FER: variants seen among roughly 807,000 people sequenced by gnomAD.
FER encodes FER tyrosine kinase, also known as tyrosine-protein kinase Fer.
FER carries 63 observed loss-of-function variants against 111.0 expected under a neutral mutation model. The observed-to-expected ratio is 0.57, with a 90% CI of 0.46 to 0.70. FER has a LOEUF of 0.70. Among genes scored for constraint, FER ranks in the 30% least tolerant of loss-of-function variants. The pLI, the probability that FER is intolerant of heterozygous loss-of-function variation, is 0.00. For synonymous variants in FER, 327 were observed against 313.9 expected (o/e 1.04, Z -0.44); for missense variants, 914 against 954.0 (o/e 0.96, Z 0.55).
intron 5 of FER, among the ~76,000 whole-genome samples, chr5:108,839,843 C>G (rs6890309): frequency 0.23 from 34,563 of 151,928 alleles, 4,106 homozygotes; most frequent in African/African-American, 0.28. Flanking sequence ...TCCCAAACTG[C>G]TGGGATTACA....
intron 5 of FER, among the ~76,000 whole-genome samples, chr5:108,853,061 C>T (rs373248507): frequency 4.6e-4 from 70 of 152,092 alleles, no homozygotes; most frequent in African/African-American, 1.5e-3. Flanking sequence ...TATATTTTAT[C>T]GGTAAGCTTC....
At chr5:108,752,117 A>G (rs868107784) in intron 1 of FER, among the ~76,000 whole-genome samples, 3 of 152,092 alleles carry the variant, frequency 2.0e-5, no homozygotes, top group Admixed American at 6.5e-5. Flanking sequence ...AGACTGAAGG[A>G]AACAATTAGG....
At chr5:108,975,771 C>T (rs958353246) in intron 13 of FER, among the ~76,000 whole-genome samples, 15 of 152,132 alleles carry the variant, frequency 9.9e-5, no homozygotes, top group East Asian at 1.9e-4. Flanking sequence ...GATAAAATTA[C>T]GAATCATTAG....
chr5:109,088,379 AT>A (rs748062956), intron 16 of FER, among the ~76,000 whole-genome samples: 2 of 152,036 alleles, frequency 1.3e-5, no homozygotes, highest in African/African-American at 2.4e-5. Flanking sequence ...TTATTTAATC[AT>A]TTTTTAAAAA....
chr5:108,950,967 TAA>T (rs35248332), intron 11 of FER, among the ~76,000 whole-genome samples: 3 of 149,804 alleles, frequency 2.0e-5, no homozygotes, highest in Non-Finnish European at 4.5e-5. Flanking sequence ...CCTATGGAAT[TAA>T]AAAAAAAATA....
chr5:108,884,324 A>T (rs1443658456), intron 9 of FER, among the ~76,000 whole-genome samples: 1 of 151,938 alleles, frequency 6.6e-6, no homozygotes, highest in African/African-American at 2.4e-5. Flanking sequence ...CAGATCTCTG[A>T]TTACTTATCT....
intron 16 of FER, among the ~76,000 whole-genome samples, chr5:109,087,473 T>G (rs1156893853): frequency 1.3e-5 from 2 of 151,872 alleles, no homozygotes; most frequent in Admixed American, 6.6e-5. Context: ...AAAAGTTTGT[T>G]TAAATATCCA....
intron 13 of FER, among the ~76,000 whole-genome samples, chr5:109,015,993 C>T (rs538832944): frequency 2.6e-5 from 4 of 152,016 alleles, no homozygotes; most frequent in South Asian, 2.1e-4. Context: ...TTCCTTTGCT[C>T]CTCTTGGAGG....
At position 109,111,815 on chromosome 5, in the gene FER, A is replaced by G. The variant is rs757504352; in HGVS notation, c.2048+11296A>G. ...TGGGGAAAACCACCCCCATGATCCA[A>G]TCACCTCCCATCAGGTCCTCCCCCA... On this transcript the variant is annotated intron_variant, in intron 17 of 19. Coordinates refer to ENST00000281092, the MANE Select transcript of FER (RefSeq NM_005246.4). Among the ~76,000 whole-genome samples, 6 of 152,212 alleles carry G rather than the reference A, an allele frequency of 3.9e-5. No individual in the cohort carries two copies. The South Asian group carries it at 8.3e-4, about 21-fold the overall frequency.
intron 3 of FER, among the ~76,000 whole-genome samples, chr5:108,828,919 G>A (rs1353689833): frequency 6.6e-6 from 1 of 152,128 alleles, no homozygotes; most frequent in Admixed American, 6.5e-5. Flanking sequence ...GCAACATGGT[G>A]AGACCCTGTC....
intron 5 of FER, among the ~76,000 whole-genome samples, chr5:108,845,059 T>TAC (rs1761876562): frequency 3.0e-4 from 18 of 59,048 alleles, no homozygotes; most frequent in Admixed American, 6.7e-4. Flanking sequence ...TATATATATA[T>TAC]ATATATATAC....
intron 18 of FER, among the ~76,000 whole-genome samples, chr5:109,183,468 C>T (rs536901685): frequency 4.6e-5 from 7 of 152,194 alleles, no homozygotes; most frequent in Middle Eastern, 3.4e-3. Context: ...AGGCTGGTCT[C>T]GAACTCCTGA....
intron 13 of FER, among the ~76,000 whole-genome samples, chr5:108,962,153 T>C (rs1170731468): frequency 6.6e-6 from 1 of 152,194 alleles, no homozygotes; most frequent in Non-Finnish European, 1.5e-5. Flanking sequence ...TGTTTAACTT[T>C]CTCACTTTAT....
At chr5:108,920,182 C>T (rs985156771) in intron 10 of FER, among the ~76,000 whole-genome samples, 5 of 152,054 alleles carry the variant, frequency 3.3e-5, no homozygotes, top group African/African-American at 1.2e-4. Context: ...ATTTTATCAC[C>T]TTATGTTTTA....
intron 1 of FER, among the ~76,000 whole-genome samples, chr5:108,758,108 G>C (rs1751319806): frequency 6.6e-6 from 1 of 152,196 alleles, no homozygotes; most frequent in South Asian, 2.1e-4. Flanking sequence ...TGCTAGACAA[G>C]AGGCAAGCTG....
chr5:109,175,406 A>G, intron 17 of FER, among the ~76,000 whole-genome samples: 1 of 152,238 alleles, frequency 6.6e-6, no homozygotes, highest in East Asian at 1.9e-4. Context: ...TCCAAGAGCT[A>G]ATAAATGATG....
intron 8 of FER, among the ~76,000 whole-genome samples, chr5:108,879,670 C>A (rs376105481): frequency 4.0e-4 from 48 of 119,024 alleles, no homozygotes; most frequent in African/African-American, 1.5e-3. Context: ...TAAATACTTT[C>A]ACCATATGTA....
intron 13 of FER, among the ~76,000 whole-genome samples, chr5:108,993,734 G>GT (rs1763634121): frequency 6.6e-6 from 1 of 152,058 alleles, no homozygotes; most frequent in Admixed American, 6.5e-5. Context: ...AATCACTTGG[G>GT]TGATTCCCAC....
intron 13 of FER, among the ~76,000 whole-genome samples, chr5:108,995,077 C>G (rs1017223158): frequency 2.0e-5 from 3 of 152,122 alleles, no homozygotes; most frequent in Non-Finnish European, 4.4e-5. Context: ...TTGACTTCCT[C>G]TCTTCCTATT....
Sources: allele counts gnomAD v4.1 joint callset (sites outside exome capture counted in the v4.1 genomes callset), GRCh38; gene constraint gnomAD v4.1.1; transcripts MANE v1.5; gene names NCBI Gene and HGNC (gene_info 2026-07-23, HGNC 2026-07-21).